MLXIP: variants seen among roughly 807,000 people sequenced by gnomAD.
The protein encoded by MLXIP is MLX-interacting protein.
MLXIP carries 30 observed loss-of-function variants against 87.2 expected under a neutral mutation model. The observed-to-expected ratio is 0.34, with a 90% CI of 0.26 to 0.47. MLXIP has a LOEUF of 0.47. MLXIP is among the 20% of genes least tolerant of loss of function. The pLI, the probability that MLXIP is intolerant of heterozygous loss-of-function variation, is 1.00. For synonymous variants in MLXIP, 530 were observed against 514.0 expected (o/e 1.03, Z -0.42); for missense variants, 1,002 against 1,240.1 (o/e 0.81, Z 2.88).
rs367628307 is a variant in MLXIP at position 122,127,857 on chromosome 12, C to T, written c.521-26C>T. 11 of 1,605,086 alleles carry T rather than the reference C, an allele frequency of 6.9e-6. No homozygotes were observed. The African/African-American group carries it at 1.5e-4, about 21-fold the overall frequency. On this transcript the variant is annotated intron_variant, in intron 2 of 16. Coordinates refer to ENST00000319080, the MANE Select transcript of MLXIP (RefSeq NM_014938.6). ...TCCCTCAGGGGTCTGGATCATGGTG[C>T]TGACTCTCACCCTCTCTCTGCTCAG...
Position 122,129,240 on chromosome 12 carries a change from G to A in MLXIP, c.696+14G>A, listed in dbSNP as rs778063737. The A allele has an allele frequency of 6.3e-7, 1 of 1,596,654 alleles. No individual in the cohort carries two copies. Among genetic ancestry groups the A allele is most frequent in the South Asian group, 1.1e-5 (1 of 88,546 alleles). ...TTCAAGAAAAGGGTATCTGGCTGGA[G>A]TGTTCAGGCAGCCCGCCTAGGGAGG... On this transcript the variant is annotated intron_variant, in intron 4 of 16. Transcript: ENST00000319080.
Position 122,141,084 on chromosome 12 carries a change from G to A in MLXIP, c.2638+1G>A, listed in dbSNP as rs755167707. 1 of 1,608,412 alleles carries A rather than the reference G, an allele frequency of 6.2e-7. No individual in the cohort carries two copies. Among genetic ancestry groups the A allele is most frequent in the Non-Finnish European group, 8.5e-7 (1 of 1,178,478 alleles). ...TGCTCCCTGCCCATCCTCAGGCCGAGTGAGTGGGGCAGTGCCAGGGTGGGG... is the reference window on the plus strand; with the variant it reads ...TGCTCCCTGCCCATCCTCAGGCCGAATGAGTGGGGCAGTGCCAGGGTGGGG... On this transcript the variant is annotated splice_donor_variant, in intron 16 of 16. Transcript: ENST00000319080. LOFTEE classifies it high-confidence loss of function.
chr12:122,138,401 C>T (rs746605388), intron 13 of MLXIP, 23 bp from the exon 14 acceptor site: 3 of 1,611,976 alleles, frequency 1.9e-6, no homozygotes, highest in East Asian at 2.2e-5. Flanking sequence ...GGTGCTGCCT[C>T]CAGCCACCTG....
chr12:122,099,982 C>T (rs942418328), intron 1 of MLXIP, among the ~76,000 whole-genome samples: 5 of 152,112 alleles, frequency 3.3e-5, no homozygotes, highest in African/African-American at 9.7e-5. Context: ...TATACCCCGA[C>T]ATTTGAAGAG....
chr12:122,085,625 T>G (rs1340799556), intron 1 of MLXIP, among the ~76,000 whole-genome samples: 1 of 152,142 alleles, frequency 6.6e-6, no homozygotes, highest in East Asian at 1.9e-4. Flanking sequence ...GCTGTTTTTT[T>G]GTTTGTTTGT....
rs555234909 is a variant in MLXIP at position 122,145,768 on chromosome 12, T to G, written c.*3956T>G. On this transcript the variant is annotated 3_prime_UTR_variant, in exon 17 of 17. Transcript: ENST00000319080. ...TCCCGGGCCAGTGGACCCCTGTGTG[T>G]GGGGGATTTGGGGTGCTGTGGGCCT... is the stretch of plus-strand genomic sequence containing the variant. 3.5e-4 allele frequency: 53 copies of G among 152,610 alleles called. No individual in the cohort carries two copies. The highest frequency in any genetic ancestry group is 8.7e-4 in the African/African-American group (36 of 41,558). 9.5% of individuals were successfully genotyped at this position (152,610 alleles called of 1,614,324 possible). A position where few individuals can be genotyped will look rare whatever the true frequency, so the allele number is the denominator to read the frequency against.
At chr12:122,081,899 G>A (rs1952096792) in intron 1 of MLXIP, among the ~76,000 whole-genome samples, 1 of 152,150 alleles carries the variant, frequency 6.6e-6, no homozygotes, top group African/African-American at 2.4e-5. Flanking sequence ...CTTCGTTCTA[G>A]CTGTCTAACT....
chr12:122,130,015 G>T lies in MLXIP; in HGVS notation c.813G>T (p.Leu271=). The T allele has an allele frequency of 6.2e-7, 1 of 1,614,054 alleles. No individual in the cohort carries two copies. ...KTPVPMEEDP[L]LDTDMLMSEF... is the part of the protein sequence containing the mutation. ...CCGTCCCCATGGAGGAGGATCCCCT[G>T]CTGGACACAGACATGCTCATGTCGG... The change falls in exon 6 of 17, where the codon CTG becomes CTT. Residue 271 remains leucine, a synonymous_variant. Coordinates refer to ENST00000319080, the MANE Select transcript of MLXIP (RefSeq NM_014938.6).
intron 1 of MLXIP, among the ~76,000 whole-genome samples, chr12:122,106,330 C>T (rs529159946): frequency 1.3e-5 from 2 of 152,314 alleles, no homozygotes; most frequent in East Asian, 3.9e-4. Flanking sequence ...CACTGGGTGC[C>T]CCTCCATTGC....
chr12:122,116,459 A>C (rs1485680241), intron 1 of MLXIP, among the ~76,000 whole-genome samples: 1 of 152,190 alleles, frequency 6.6e-6, no homozygotes, highest in Non-Finnish European at 1.5e-5. Flanking sequence ...TAATTATGAA[A>C]TTTCATTAAC....
chr12:122,139,100 C>A, intron 15 of MLXIP, 162 bp downstream of exon 15: 1 of 717,708 alleles, frequency 1.4e-6, no homozygotes, highest in Non-Finnish European at 1.7e-6. Context: ...AGTGGTCCGG[C>A]CTGGCCTGCT....
chr12:122,104,104 T>C (rs1952482778), intron 1 of MLXIP, among the ~76,000 whole-genome samples: 1 of 152,220 alleles, frequency 6.6e-6, no homozygotes, highest in African/African-American at 2.4e-5. Context: ...CTCCTTACAT[T>C]ATCCCCAACC....
At chr12:122,112,794 TA>T (rs1175301404) in intron 1 of MLXIP, among the ~76,000 whole-genome samples, 3 of 152,204 alleles carry the variant, frequency 2.0e-5, no homozygotes, top group Admixed American at 1.3e-4. Context: ...AAATCTTACC[TA>T]AAGCAGGATC....
chr12:122,099,247 A>G (rs1952400234), intron 1 of MLXIP, among the ~76,000 whole-genome samples: 1 of 152,108 alleles, frequency 6.6e-6, no homozygotes, highest in Non-Finnish European at 1.5e-5. Flanking sequence ...TCTCCAAAAA[A>G]ACCAAAACAA....
At chr12:122,114,056 G>A (rs920956552) in intron 1 of MLXIP, among the ~76,000 whole-genome samples, 10 of 144,934 alleles carry the variant, frequency 6.9e-5, no homozygotes, top group African/African-American at 2.3e-4. Flanking sequence ...CACAATCTTG[G>A]CTCACCGCGC....
At chr12:122,128,904 C>T (rs1211910601) in intron 3 of MLXIP, 2 of 548,186 alleles carry the variant, frequency 3.6e-6, no homozygotes, top group Non-Finnish European at 6.6e-6. Context: ...AGGACCGTGC[C>T]CCCAAGGCCT....
At chr12:122,141,201 G>C (rs1953196343) in intron 16 of MLXIP, 118 bp downstream of exon 16, 2 of 1,407,350 alleles carry the variant, frequency 1.4e-6, no homozygotes, top group Admixed American at 4.7e-5. Flanking sequence ...GGCCGGGGCA[G>C]GGGCACAGTG....
At chr12:122,088,655 A>G (rs149444537) in intron 1 of MLXIP, among the ~76,000 whole-genome samples, 6 of 152,296 alleles carry the variant, frequency 3.9e-5, no homozygotes, top group Middle Eastern at 3.4e-3. Flanking sequence ...GAAGGAAAGC[A>G]GCTTCTCTGT....
intron 5 of MLXIP, 50 bp downstream of exon 5, chr12:122,129,679 A>C (rs769756617): frequency 6.2e-7 from 1 of 1,603,102 alleles, no homozygotes; most frequent in Non-Finnish European, 8.5e-7. Context: ...ATGAGACAGC[A>C]GGGACTTCGG....
Sources: gnomAD v4.1 joint callset for allele counts (sites outside exome capture counted in the v4.1 genomes callset) on GRCh38, gnomAD v4.1.1 for gene constraint, MANE v1.5 for transcripts, NCBI Gene and HGNC (gene_info 2026-07-23, HGNC 2026-07-21) for gene names.